Variants in CYYR1 observed in about 807,000 individuals in gnomAD.
CYYR1 encodes cysteine and tyrosine-rich protein 1.
Under a neutral mutation model 15.2 loss-of-function variants are expected in CYYR1, and 14 were observed. That is an observed-to-expected ratio of 0.92 (90% CI 0.61 to 1.44). CYYR1 has a LOEUF of 1.44. Ranked by LOEUF, CYYR1 falls within the 40% of genes most tolerant of loss-of-function variation. CYYR1 has a pLI of 0.00. For missense variants in CYYR1, 228 were observed against 209.5 expected (o/e 1.09, Z -0.54); for synonymous variants, 80 against 77.4 (o/e 1.03, Z -0.18).
At chr21:26,566,141 T>C in intron 2 of CYYR1, 125 bp downstream of exon 2, 2 of 664,770 alleles carry the variant, frequency 3.0e-6, no homozygotes, top group Non-Finnish European at 5.2e-6. Flanking sequence ...CAGTAAAGAT[T>C]TCATGTCAAT....
intron 2 of CYYR1, chr21:26,564,801 G>A (rs916183734): frequency 5.6e-6 from 7 of 1,247,828 alleles, no homozygotes; most frequent in Admixed American, 2.3e-5. Context: ...AGTTATACTC[G>A]CACCTCTACC....
At chr21:26,472,865 A>T (rs1293831618) in intron 3 of CYYR1, among the ~76,000 whole-genome samples, 1 of 152,138 alleles carries the variant, frequency 6.6e-6, no homozygotes, top group African/African-American at 2.4e-5. Flanking sequence ...TAGTTGATAC[A>T]TAACTATCCT....
intron 2 of CYYR1, among the ~76,000 whole-genome samples, chr21:26,548,401 C>A (rs1288648276): frequency 1.3e-5 from 2 of 152,184 alleles, no homozygotes; most frequent in African/African-American, 2.4e-5. Flanking sequence ...GGATGCAGTG[C>A]AGTGGCATGA....
chr21:26,503,167 A>T (rs1255338841), intron 2 of CYYR1, among the ~76,000 whole-genome samples: 1 of 152,228 alleles, frequency 6.6e-6, no homozygotes, highest in Non-Finnish European at 1.5e-5. Context: ...AATAATTTTA[A>T]CACCACTAAA....
At chr21:26,497,482 G>T (rs774956949) in intron 2 of CYYR1, among the ~76,000 whole-genome samples, 35 of 152,102 alleles carry the variant, frequency 2.3e-4, no homozygotes, top group Non-Finnish European at 4.6e-4. Flanking sequence ...AAAGAAAAAT[G>T]GTTATACAGC....
chr21:26,548,806 G>A (rs79720993), intron 2 of CYYR1, among the ~76,000 whole-genome samples: 1 of 152,138 alleles, frequency 6.6e-6, no homozygotes, highest in South Asian at 2.1e-4. Context: ...TTTTTAGAAA[G>A]TACTCCTAGG....
intron 2 of CYYR1, among the ~76,000 whole-genome samples, chr21:26,561,359 C>T (rs570296646): frequency 6.7e-6 from 1 of 150,160 alleles, no homozygotes; most frequent in Admixed American, 6.6e-5. Flanking sequence ...AAATGCGTTA[C>T]GTTTGTCAGT....
At chr21:26,526,482 A>T (rs1222663006) in intron 2 of CYYR1, among the ~76,000 whole-genome samples, 2 of 152,202 alleles carry the variant, frequency 1.3e-5, no homozygotes, top group Non-Finnish European at 2.9e-5. Context: ...AAGTTAAAAA[A>T]AATTAACCAT....
chr21:26,469,418 G>T (rs2065007297), intron 3 of CYYR1, among the ~76,000 whole-genome samples: 2 of 152,068 alleles, frequency 1.3e-5, no homozygotes, highest in Non-Finnish European at 2.9e-5. Flanking sequence ...AATCTTATAT[G>T]AAAAATTTTC....
At position 26,469,323 on chromosome 21, in the gene CYYR1, G is replaced by T. The variant is rs1182232320; in HGVS notation, c.335-689C>A. Among the ~76,000 whole-genome samples, 9 of 152,014 alleles carry T rather than the reference G, an allele frequency of 5.9e-5. No homozygotes were observed. The East Asian group carries it at 1.7e-3, about 29-fold the overall frequency. On this transcript the variant is annotated intron_variant, in intron 3 of 3. Coordinates refer to ENST00000652641, the MANE Select transcript of CYYR1 (RefSeq NM_001320768.2). Reference sequence around the variant, plus strand: ...GTACAGGACTCCTATAATTGGAGGGGGGTGGAACCATTACAGAAATATGAA... The same window carrying T: ...GTACAGGACTCCTATAATTGGAGGGTGGTGGAACCATTACAGAAATATGAA...
At chr21:26,515,276 A>G (rs1352389086) in intron 2 of CYYR1, among the ~76,000 whole-genome samples, 1 of 152,302 alleles carries the variant, frequency 6.6e-6, no homozygotes, top group South Asian at 2.1e-4. Context: ...ACTGTTTTCC[A>G]GTCAACTCCT....
intron 2 of CYYR1, among the ~76,000 whole-genome samples, chr21:26,542,754 T>G (rs138080861): frequency 6.6e-6 from 1 of 152,148 alleles, no homozygotes; most frequent in Non-Finnish European, 1.5e-5. Flanking sequence ...AATTACTAGA[T>G]GTACAAAGTG....
In CYYR1 at chr21:26,506,529, C is replaced by T. The variant is rs547415269; in HGVS notation, c.177-26100G>A. 2.0e-5 allele frequency: 3 copies of T among 152,338 alleles called. No individual in the cohort carries two copies. In the South Asian group the frequency reaches 6.2e-4, roughly 32 times the overall value. 9.4% of individuals were successfully genotyped at this position (152,338 alleles called of 1,614,324 possible). A position where few individuals can be genotyped will look rare whatever the true frequency, so the allele number is the denominator to read the frequency against. On this transcript the variant is annotated intron_variant, in intron 2 of 3. Transcript: ENST00000652641. The stretch of plus-strand genomic sequence containing the variant: ...TGAACTCTAGGGGCAGCTACACTCT[C>T]AAACTCAACTTTCCTGAAGAAGGTT...
intron 2 of CYYR1, among the ~76,000 whole-genome samples, chr21:26,548,443 C>T (rs372252244): frequency 1.3e-5 from 2 of 152,212 alleles, no homozygotes; most frequent in Non-Finnish European, 2.9e-5. Context: ...AACTCCTGGG[C>T]TCAAGCAATT....
chr21:26,516,842 G>A (rs980963292), intron 2 of CYYR1, among the ~76,000 whole-genome samples: 6 of 152,004 alleles, frequency 3.9e-5, no homozygotes, highest in South Asian at 2.1e-4. Flanking sequence ...GGGGCCGGGC[G>A]CGGTGGCTCA....
chr21:26,503,569 T>A (rs1470602477), intron 2 of CYYR1: 3 of 152,228 alleles, frequency 2.0e-5, no homozygotes, highest in African/African-American at 7.2e-5. Context: ...TCTGTTCACT[T>A]TTGTGTCCAC....
intron 2 of CYYR1, among the ~76,000 whole-genome samples, chr21:26,526,387 G>T (rs1358323317): frequency 6.6e-6 from 1 of 152,094 alleles, no homozygotes; most frequent in Non-Finnish European, 1.5e-5. Flanking sequence ...GGTGGAGTTT[G>T]CAGTGAGCTG....
intron 2 of CYYR1, among the ~76,000 whole-genome samples, chr21:26,518,881 A>G (rs761803193): frequency 3.3e-5 from 5 of 152,180 alleles, no homozygotes; most frequent in Non-Finnish European, 7.4e-5. Flanking sequence ...AGTAATTTAC[A>G]TTTTTGGAGT....
chr21:26,495,653 G>A (rs141696016), intron 2 of CYYR1, among the ~76,000 whole-genome samples: 1,769 of 152,250 alleles, frequency 0.012, 36 homozygotes, highest in African/African-American at 0.04. Flanking sequence ...GGAAGGAGGC[G>A]GAGTCACACA....
Sources: allele counts gnomAD v4.1 joint callset (sites outside exome capture counted in the v4.1 genomes callset), GRCh38; gene constraint gnomAD v4.1.1; transcripts MANE v1.5; gene names NCBI Gene and HGNC (gene_info 2026-07-23, HGNC 2026-07-21).